Variants in IL1RAPL1 observed in about 807,000 individuals in gnomAD.
IL1RAPL1 encodes interleukin 1 receptor accessory protein like 1, also known as interleukin-1 receptor accessory protein-like 1.
IL1RAPL1 carries 3 observed loss-of-function variants against 48.4 expected under a neutral mutation model. The observed-to-expected ratio is 0.06, with a 90% CI of 0.03 to 0.16. The LOEUF (loss-of-function observed/expected upper bound fraction) is 0.16, where lower values mean the gene tolerates loss of function less well. Ranked by LOEUF, IL1RAPL1 falls within the 10% of genes least tolerant of loss-of-function variation. The pLI is 1.00. For synonymous variants in IL1RAPL1, 185 were observed against 187.7 expected (o/e 0.99, Z 0.12); for missense variants, 349 against 530.6 (o/e 0.66, Z 3.36).
At chrX:29,547,448 A>G (rs1921660948) in intron 5 of IL1RAPL1, among the ~76,000 whole-genome samples, 1 of 111,347 alleles carries the variant, frequency 9.0e-6, no homozygotes, top group Non-Finnish European at 1.9e-5. Context: ...GAGAATAACT[A>G]ATTTTTCAAA....
At chrX:29,618,936 A>G (rs1391186809) in intron 5 of IL1RAPL1, among the ~76,000 whole-genome samples, 1 of 111,884 alleles carries the variant, frequency 8.9e-6, no homozygotes, top group Non-Finnish European at 1.9e-5. Flanking sequence ...TGCCAAATTT[A>G]AAATTATTGC....
At chrX:28,907,865 C>T (rs1423153655) in intron 2 of IL1RAPL1, among the ~76,000 whole-genome samples, 3 of 111,334 alleles carry the variant, frequency 2.7e-5, no homozygotes, top group Non-Finnish European at 5.7e-5. Context: ...ATAATCAGGT[C>T]CTTGTTCTTT....
At chrX:28,814,005 AGAG>A (rs1936825693) in intron 2 of IL1RAPL1, among the ~76,000 whole-genome samples, 1 of 110,744 alleles carries the variant, frequency 9.0e-6, no homozygotes, top group South Asian at 3.8e-4. Context: ...GCTGAGTGCA[AGAG>A]GAGATTACCT....
At chrX:29,804,156 A>T (rs750922649) in intron 6 of IL1RAPL1, among the ~76,000 whole-genome samples, 1 of 111,650 alleles carries the variant, frequency 9.0e-6, no homozygotes, top group Admixed American at 9.6e-5. Context: ...TTGCATAATT[A>T]AAAATTTTAA....
At chrX:29,519,173 G>C (rs776428592) in intron 5 of IL1RAPL1, among the ~76,000 whole-genome samples, 1 of 111,666 alleles carries the variant, frequency 9.0e-6, no homozygotes, top group Non-Finnish European at 1.9e-5. Context: ...TTCATTCTCT[G>C]TATGTGTTGA....
chrX:29,860,508 C>G (rs1332639579), intron 6 of IL1RAPL1, among the ~76,000 whole-genome samples: 1 of 110,957 alleles, frequency 9.0e-6, no homozygotes, highest in East Asian at 2.8e-4. Flanking sequence ...TATCCCTCCC[C>G]TATCCCTCCA....
At chrX:29,418,105 A>C in intron 5 of IL1RAPL1, among the ~76,000 whole-genome samples, 1 of 38,489 alleles carries the variant, frequency 2.6e-5, no homozygotes, top group Non-Finnish European at 4.8e-5. Context: ...ATATATATAT[A>C]TATATATATA....
intron 2 of IL1RAPL1, among the ~76,000 whole-genome samples, chrX:28,820,808 G>A (rs1033015613): frequency 1.8e-5 from 2 of 111,240 alleles, no homozygotes; most frequent in Non-Finnish European, 3.8e-5. Flanking sequence ...CTCCTCATCT[G>A]TCATCTGATT....
At chrX:28,947,581 A>G (rs190667826) in intron 2 of IL1RAPL1, among the ~76,000 whole-genome samples, 105 of 111,051 alleles carry the variant, frequency 9.5e-4, no homozygotes, top group Middle Eastern at 9.4e-3. Context: ...GAGGGATAGC[A>G]TTAGGAGAAA....
Position 29,099,074 on chromosome X carries a change from C to T in IL1RAPL1, c.83-183864C>T, listed in dbSNP as rs1602056082. ...GGCTGAGACAGGAGAATCGTTTGAA[C>T]CCGGGAGGCAGAGGTTGCAGTGACC... On this transcript the variant is annotated intron_variant, in intron 2 of 10. Transcript: ENST00000378993. 3.6e-5 allele frequency among the ~76,000 whole-genome samples: 4 copies of T among 111,616 alleles called. No homozygotes were observed. The South Asian group carries it at 1.5e-3, about 42-fold the overall frequency.
chrX:28,975,437 T>C (rs1925181391), intron 2 of IL1RAPL1, among the ~76,000 whole-genome samples: 1 of 112,473 alleles, frequency 8.9e-6, no homozygotes, highest in Non-Finnish European at 1.9e-5. Flanking sequence ...TCCTTAGCTC[T>C]AGTACAAAAC....
In IL1RAPL1 at chrX:29,803,230, CACATGTAT is replaced by C. The variant is rs1569173951; in HGVS notation, c.779-114232_779-114225del. ...ACATGTATATATGTATACATATACACACATGTATATATGTATACATATACACACATGTA... is the reference window on the plus strand; with the variant it reads ...ACATGTATATATGTATACATATACACATATGTATACATATACACACATGTA... On this transcript the variant is annotated intron_variant, in intron 6 of 10. Transcript: ENST00000378993. Among the ~76,000 whole-genome samples the C allele has an allele frequency of 8.6e-3, 305 of 35,446 alleles. 2 individuals carry two copies. The highest frequency in any genetic ancestry group is 0.048 in the Middle Eastern group (1 of 21). 30.8% of individuals were successfully genotyped at this position (35,446 alleles called of 115,157 possible).
intron 2 of IL1RAPL1, among the ~76,000 whole-genome samples, chrX:28,930,941 G>A (rs1262110885): frequency 2.7e-5 from 3 of 110,231 alleles, no homozygotes; most frequent in African/African-American, 9.9e-5. Flanking sequence ...GCGCCCAGCC[G>A]ATTTTTTTTT....
At chrX:28,750,544 T>C (rs1339443047) in intron 1 of IL1RAPL1, among the ~76,000 whole-genome samples, 2 of 111,894 alleles carry the variant, frequency 1.8e-5, no homozygotes, top group African/African-American at 3.2e-5. Context: ...TTAATAGTTA[T>C]ATTTATATCA....
At chrX:29,855,870 G>T (rs1347760421) in intron 6 of IL1RAPL1, among the ~76,000 whole-genome samples, 2 of 110,966 alleles carry the variant, frequency 1.8e-5, no homozygotes, top group Admixed American at 1.9e-4. Context: ...TCAGAAAGTG[G>T]TAGCTACTCT....
intron 5 of IL1RAPL1, among the ~76,000 whole-genome samples, chrX:29,584,169 T>C (rs1923076543): frequency 9.0e-6 from 1 of 111,139 alleles, no homozygotes. Flanking sequence ...GTAACCACTG[T>C]CCATACTCTG....
intron 2 of IL1RAPL1, among the ~76,000 whole-genome samples, chrX:29,110,664 C>T (rs946765309): frequency 2.7e-5 from 3 of 111,732 alleles, no homozygotes; most frequent in Non-Finnish European, 3.8e-5. Flanking sequence ...CGAGTTTTTC[C>T]GGGGGTGATT....
At chrX:29,076,607 G>A (rs73210025) in intron 2 of IL1RAPL1, among the ~76,000 whole-genome samples, 4,660 of 110,721 alleles carry the variant, frequency 0.042, 94 homozygotes, top group Middle Eastern at 0.061. Context: ...GTGGTCTTTC[G>A]ATTCATTCCA....
At chrX:28,686,861 G>T (rs922735451) in intron 1 of IL1RAPL1, among the ~76,000 whole-genome samples, 6 of 111,946 alleles carry the variant, frequency 5.4e-5, no homozygotes, top group African/African-American at 1.9e-4. Flanking sequence ...CAAATCTGGA[G>T]CAATTGATGA....
Sources: allele counts gnomAD v4.1 joint callset (sites outside exome capture counted in the v4.1 genomes callset), GRCh38; gene constraint gnomAD v4.1.1; transcripts MANE v1.5; gene names NCBI Gene and HGNC (gene_info 2026-07-23, HGNC 2026-07-21).